Variants in HCN1 observed in about 807,000 individuals in gnomAD.
HCN1 encodes the protein hyperpolarization activated cyclic nucleotide gated potassium channel 1, also known as potassium/sodium hyperpolarization-activated cyclic nucleotide-gated channel 1.
A neutral mutation model predicts 78.9 loss-of-function variants in HCN1; 13 were observed. That is an observed-to-expected ratio of 0.16 (90% CI 0.11 to 0.26). The LOEUF is 0.26. HCN1 is among the 10% of genes least tolerant of loss of function. HCN1 has a pLI of 1.00. For synonymous variants in HCN1, 552 were observed against 455.5 expected, an observed-to-expected ratio of 1.21 and a Z score of -2.70; for missense variants, 810 against 1,154.3, an observed-to-expected ratio of 0.70 and a Z score of 4.32.
chr5:45,650,820 G>A (rs751680257), intron 1 of HCN1, among the ~76,000 whole-genome samples: 1 of 151,756 alleles, frequency 6.6e-6, no homozygotes, highest in Non-Finnish European at 1.5e-5. Flanking sequence ...TTTAAGGCTT[G>A]TGGTAAGGAG....
intron 3 of HCN1, among the ~76,000 whole-genome samples, chr5:45,401,654 A>G (rs563300331): frequency 6.8e-6 from 1 of 147,154 alleles, no homozygotes; most frequent in South Asian, 2.1e-4. Context: ...TACCTAGAGA[A>G]AGGTTTTTTT....
At chr5:45,689,620 G>A (rs1739869742) in intron 1 of HCN1, among the ~76,000 whole-genome samples, 1 of 152,032 alleles carries the variant, frequency 6.6e-6, no homozygotes, top group Admixed American at 6.6e-5. Context: ...GAGAACTCAG[G>A]TTGTTCTAGG....
intron 3 of HCN1, among the ~76,000 whole-genome samples, chr5:45,437,416 G>T (rs907250369): frequency 6.6e-6 from 1 of 152,044 alleles, no homozygotes; most frequent in Non-Finnish European, 1.5e-5. Flanking sequence ...ATAATGAAAG[G>T]CAAATTTCAT....
At chr5:45,487,131 CA>C (rs1295524817) in intron 2 of HCN1, among the ~76,000 whole-genome samples, 2 of 151,980 alleles carry the variant, frequency 1.3e-5, no homozygotes, top group Non-Finnish European at 2.9e-5. Flanking sequence ...TACCTAATGC[CA>C]AAACAATCTG....
intron 3 of HCN1, among the ~76,000 whole-genome samples, chr5:45,437,508 T>A (rs1740579891): frequency 6.6e-6 from 1 of 152,226 alleles, no homozygotes; most frequent in African/African-American, 2.4e-5. Flanking sequence ...GAATACCTTT[T>A]TCTAGTCTCA....
intron 6 of HCN1, among the ~76,000 whole-genome samples, chr5:45,295,341 A>T (rs1745466798): frequency 6.6e-6 from 1 of 151,998 alleles, no homozygotes. Context: ...CTAAAATATA[A>T]GTTCCATAAG....
Position 45,314,495 on chromosome 5 carries a change from G to A in HCN1, c.1378-10656C>T, listed in dbSNP as rs564383302. On this transcript the variant is annotated intron_variant, in intron 5 of 7. Coordinates refer to ENST00000303230, the MANE Select transcript of HCN1 (RefSeq NM_021072.4). ...CCAGCTAACATCATAATGACAGGAC[G>A]AAATTCACATATAACAATATTAACC... Among the ~76,000 whole-genome samples, 25 of 152,202 alleles carry A rather than the reference G, an allele frequency of 1.6e-4. No homozygotes were observed. In the South Asian group the frequency reaches 3.5e-3, roughly 21 times the overall value.
chr5:45,545,725 T>C (rs143320428), intron 2 of HCN1, among the ~76,000 whole-genome samples: 1,782 of 152,300 alleles, frequency 0.012, 36 homozygotes, highest in African/African-American at 0.04. Flanking sequence ...CATTTCTTGT[T>C]TTTGTCAGGT....
At chr5:45,593,764 T>G (rs1039163927) in intron 2 of HCN1, among the ~76,000 whole-genome samples, 7 of 152,114 alleles carry the variant, frequency 4.6e-5, no homozygotes, top group Non-Finnish European at 8.8e-5. Flanking sequence ...AACTTCCACC[T>G]CCCCGGTTCA....
intron 1 of HCN1, among the ~76,000 whole-genome samples, chr5:45,689,669 G>A (rs1230024671): frequency 6.6e-6 from 1 of 152,114 alleles, no homozygotes; most frequent in Non-Finnish European, 1.5e-5. Context: ...CACAGAGCTG[G>A]AATGAGTGGC....
At chr5:45,331,203 T>C (rs1370173880) in intron 5 of HCN1, among the ~76,000 whole-genome samples, 4 of 151,184 alleles carry the variant, frequency 2.6e-5, no homozygotes, top group African/African-American at 9.7e-5. Flanking sequence ...TTAAATATAT[T>C]AATATCAGTA....
intron 2 of HCN1, among the ~76,000 whole-genome samples, chr5:45,532,948 C>T (rs914998705): frequency 2.0e-5 from 3 of 152,162 alleles, no homozygotes; most frequent in Non-Finnish European, 4.4e-5. Context: ...TTGTAAACTG[C>T]CCTTATTCAA....
chr5:45,512,900 A>G (rs996023822), intron 2 of HCN1, among the ~76,000 whole-genome samples: 2 of 152,190 alleles, frequency 1.3e-5, no homozygotes, highest in Non-Finnish European at 2.9e-5. Flanking sequence ...AGAGTGAAGT[A>G]ATATTTAATA....
chr5:45,586,510 C>T (rs1185708254), intron 2 of HCN1, among the ~76,000 whole-genome samples: 2 of 152,126 alleles, frequency 1.3e-5, no homozygotes, highest in Admixed American at 6.5e-5. Context: ...AGGTCACACT[C>T]GGTGCACTGC....
chr5:45,501,130 C>A (rs1433545549), intron 2 of HCN1, among the ~76,000 whole-genome samples: 1 of 152,106 alleles, frequency 6.6e-6, no homozygotes, highest in Non-Finnish European at 1.5e-5. Flanking sequence ...ACTGACTGGG[C>A]AGCAGAAACA....
intron 5 of HCN1, among the ~76,000 whole-genome samples, chr5:45,335,097 T>C (rs1273722707): frequency 6.6e-6 from 1 of 152,026 alleles, no homozygotes; most frequent in East Asian, 1.9e-4. Flanking sequence ...GGACACATGA[T>C]CTGTACCTAT....
At chr5:45,445,528 G>C (rs970440659) in intron 3 of HCN1, among the ~76,000 whole-genome samples, 3 of 152,220 alleles carry the variant, frequency 2.0e-5, no homozygotes, top group Non-Finnish European at 4.4e-5. Flanking sequence ...GCTTTGAAGA[G>C]AGCAGTGGTT....
intron 2 of HCN1, among the ~76,000 whole-genome samples, chr5:45,493,270 CAT>C (rs1741934959): frequency 6.6e-6 from 1 of 151,726 alleles, no homozygotes; most frequent in African/African-American, 2.4e-5. Flanking sequence ...AAAACACAAA[CAT>C]ATATATAAAT....
Position 45,295,262 on chromosome 5 carries a change from G to A in HCN1, c.1618+8337C>T, listed in dbSNP as rs778738308. Among the ~76,000 whole-genome samples, 9 of 152,006 alleles carry A rather than the reference G, an allele frequency of 5.9e-5. No individual in the cohort carries two copies. The South Asian group carries it at 1.0e-3, about 18-fold the overall frequency. On this transcript the variant is annotated intron_variant, in intron 6 of 7. Transcript: ENST00000303230. ...AATATGGTTGTCACCTTTTTGTAAC[G>A]TGGCTTAATATTTTTAGTAATTTCC...
Sources: gnomAD v4.1 joint callset for allele counts (sites outside exome capture counted in the v4.1 genomes callset) on GRCh38, gnomAD v4.1.1 for gene constraint, MANE v1.5 for transcripts, NCBI Gene and HGNC (gene_info 2026-07-23, HGNC 2026-07-21) for gene names.